Variants in ZNF730 observed in about 807,000 individuals in gnomAD.
ZNF730 encodes the protein zinc finger protein 730, also known as putative zinc finger protein 730.
ZNF730 carries 12 observed loss-of-function variants against 12.6 expected under a neutral mutation model. The ratio of observed to expected loss-of-function variants is 0.95; its 90% CI spans 0.61 to 1.54. The LOEUF is 1.54. Ranked by LOEUF, ZNF730 falls within the 40% of genes most tolerant of loss-of-function variation. ZNF730 has a pLI of 0.00. For synonymous variants in ZNF730, 194 were observed against 195.8 expected, an observed-to-expected ratio of 0.99 and a Z score of 0.08; for missense variants, 643 against 583.5, an observed-to-expected ratio of 1.10 and a Z score of -1.05.
chr19:23,114,796 T>C (rs1302839850), upstream of ZNF730, among the ~76,000 whole-genome samples: 1 of 152,172 alleles, frequency 6.6e-6, no homozygotes, highest in Admixed American at 6.5e-5. Flanking sequence ...TCTGCAATTT[T>C]TTTGAGATGG....
chr19:23,140,202 A>G (rs971814492), intron 3 of ZNF730, among the ~76,000 whole-genome samples: 1 of 152,032 alleles, frequency 6.6e-6, no homozygotes, highest in Non-Finnish European at 1.5e-5. Context: ...TCATGAAAGT[A>G]GTTTTATTTT....
chr19:23,085,853 T>C (rs1970054611), intron 1 of ZNF730, among the ~76,000 whole-genome samples: 1 of 112,550 alleles, frequency 8.9e-6, no homozygotes, highest in Non-Finnish European at 1.8e-5. Context: ...TTTTTTTTTT[T>C]TTTTTTTTTT....
In ZNF730 at chr19:23,077,504, C is replaced by G. The variant is rs576177254; in HGVS notation, c.-94+2117C>G. On this transcript the variant is annotated intron_variant, in intron 1 of 2. Transcript: ENST00000593635. ...CCAGGCTGGAGTGCAGTAGCAGTGTCTTGGCTCACTGCAACCTCCAACTCC... is the reference window on the plus strand; with the variant it reads ...CCAGGCTGGAGTGCAGTAGCAGTGTGTTGGCTCACTGCAACCTCCAACTCC... Among the ~76,000 whole-genome samples the G allele has an allele frequency of 4.2e-5, 5 of 118,864 alleles. No homozygotes were observed. The South Asian group carries it at 1.4e-3, about 34-fold the overall frequency. The allele number at this position is 118,864 out of a possible 152,430, so 78.0% of individuals were successfully genotyped here.
intron 3 of ZNF730, among the ~76,000 whole-genome samples, chr19:23,142,943 C>T (rs1244413668): frequency 6.6e-6 from 1 of 151,560 alleles, no homozygotes; most frequent in East Asian, 1.9e-4. Context: ...TACATAAAAC[C>T]TCTTAAAAAA....
chr19:23,140,004 A>G (rs1970890832), intron 3 of ZNF730, among the ~76,000 whole-genome samples: 2 of 152,144 alleles, frequency 1.3e-5, no homozygotes, highest in Non-Finnish European at 1.5e-5. Context: ...GTTTGTACAT[A>G]TAAGTCAATG....
intron 1 of ZNF730, among the ~76,000 whole-genome samples, chr19:23,096,752 C>G (rs2145511457): frequency 6.6e-6 from 1 of 152,298 alleles, no homozygotes; most frequent in East Asian, 1.9e-4. Context: ...TGATGTGACT[C>G]TGCTCTATGG....
At chr19:23,102,383 C>T (rs2145541363) in intron 1 of ZNF730, among the ~76,000 whole-genome samples, 1 of 152,114 alleles carries the variant, frequency 6.6e-6, no homozygotes, top group South Asian at 2.1e-4. Flanking sequence ...TACTCCTGGC[C>T]AAAAACCCAG....
chr19:23,117,054 C>T lies in ZNF730; in HGVS notation c.-120C>T. On this transcript the variant is annotated 5_prime_UTR_variant, in exon 1 of 4. Coordinates refer to ENST00000597761, the MANE Select transcript of ZNF730 (RefSeq NM_001277403.2). ...TTGTTTCTCGCTGCCGCCGAAGCTC[C>T]AATTTTCGTCTGTCTGCTTTGTGTC... 1 of 1,521,620 alleles carries T rather than the reference C, an allele frequency of 6.6e-7. No individual in the cohort carries two copies. The highest frequency in any genetic ancestry group is 2.0e-5 in the Admixed American group (1 of 50,670). The allele number at this position is 1,521,620 out of a possible 1,614,324, so 94.3% of individuals were successfully genotyped here.
At chr19:23,098,782 G>T (rs1970293455) in intron 1 of ZNF730, among the ~76,000 whole-genome samples, 1 of 152,064 alleles carries the variant, frequency 6.6e-6, no homozygotes, top group African/African-American at 2.4e-5. Flanking sequence ...GTGATGTGAC[G>T]GTTCTGGGTA....
In ZNF730 at chr19:23,145,470, C is replaced by T; in HGVS notation, c.426C>T (p.Ser142=). The part of the protein sequence containing the change: ...RHNQCLTTSH[S]KIFQCDKYVK... The stretch of plus-strand genomic sequence containing the variant: ...ACCAGTGTTTGACAACTTCCCATAG[C>T]AAAATATTTCAGTGTGACAAATATG... Residue 142 remains serine (S), a synonymous_variant, in exon 4 of 4, where the codon AGC becomes AGT. Coordinates refer to ENST00000597761, the MANE Select transcript of ZNF730 (RefSeq NM_001277403.2). 6.4e-7 allele frequency: 1 copy of T among 1,568,992 alleles called. No individual in the cohort carries two copies. The highest frequency in any genetic ancestry group is 8.6e-7 in the Non-Finnish European group (1 of 1,158,216).
chr19:23,092,062 C>G (rs1222413671), intron 1 of ZNF730, among the ~76,000 whole-genome samples: 2 of 152,142 alleles, frequency 1.3e-5, no homozygotes, highest in South Asian at 2.1e-4. Context: ...GAGGGCTGTT[C>G]TTTCCCATGC....
At chr19:23,118,366 G>GGT (rs1555714703) in intron 1 of ZNF730, among the ~76,000 whole-genome samples, 2 of 139,488 alleles carry the variant, frequency 1.4e-5, no homozygotes, top group Admixed American at 7.2e-5. Context: ...TTTGTTTTTT[G>GGT]TTTTTTTTTT....
intron 1 of ZNF730, among the ~76,000 whole-genome samples, chr19:23,085,496 CTTTTTTTTTTTTT>C (rs58871710): frequency 5.1e-4 from 27 of 52,762 alleles, no homozygotes; most frequent in Non-Finnish European, 7.5e-4. Flanking sequence ...CCATGCCCGT[CTTTTTTTTTTTTT>C]TTTTTTTTTT....
intron 1 of ZNF730, chr19:23,127,999 G>A: frequency 2.7e-6 from 2 of 744,764 alleles, no homozygotes; most frequent in Non-Finnish European, 4.9e-6. Context: ...GTCAAGATCT[G>A]TGACCTATGG....
At chr19:23,122,162 A>G (rs1398743879) in intron 1 of ZNF730, among the ~76,000 whole-genome samples, 4 of 104,060 alleles carry the variant, frequency 3.8e-5, no homozygotes, top group African/African-American at 1.5e-4. Context: ...TTTTTTTTAG[A>G]CAGAGTTTCA....
At chr19:23,115,162 T>G (rs1970503967), upstream of ZNF730, among the ~76,000 whole-genome samples, 1 of 151,986 alleles carries the variant, frequency 6.6e-6, no homozygotes, top group Non-Finnish European at 1.5e-5. Context: ...TGTCTTCTTT[T>G]GCAGAAGTGT....
At chr19:23,136,069 A>G (rs1970828400) in intron 3 of ZNF730, 26 bp downstream of exon 3, 2 of 1,499,732 alleles carry the variant, frequency 1.3e-6, no homozygotes, top group Non-Finnish European at 1.8e-6. Context: ...TACAATACAC[A>G]AAACTGATAA....
At chr19:23,127,034 T>C in intron 1 of ZNF730, 3 of 515,796 alleles carry the variant, frequency 5.8e-6, no homozygotes, top group South Asian at 4.5e-5. Context: ...CCCGAGTTCC[T>C]AAAGCATATA....
In ZNF730 at chr19:23,077,688, C is replaced by T. The variant is rs189031361; in HGVS notation, c.-94+2301C>T. Among the ~76,000 whole-genome samples the T allele has an allele frequency of 6.6e-4, 101 of 152,094 alleles. 1 individual carries two copies. Among genetic ancestry groups the T allele is most frequent in the African/African-American group, 2.4e-3 (98 of 41,516 alleles). On this transcript the variant is annotated intron_variant, in intron 1 of 2. Transcript: ENST00000593635. ...AACTCCTGATGTCAAGTGATCTGAC[C>T]GCCTCAGCCTCCCAAAGTGCTGGGG... is the stretch of plus-strand genomic sequence containing the variant.
Sources: allele counts gnomAD v4.1 joint callset (sites outside exome capture counted in the v4.1 genomes callset), GRCh38; gene constraint gnomAD v4.1.1; transcripts MANE v1.5; gene names NCBI Gene and HGNC (gene_info 2026-07-23, HGNC 2026-07-21).